The following HIPK3 variants were observed in gnomAD, a reference collection of about 807,000 sequenced individuals.
The protein encoded by HIPK3 is homeodomain interacting protein kinase 3.
HIPK3 carries 47 observed loss-of-function variants against 124.2 expected under a neutral mutation model. That is an observed-to-expected ratio of 0.38 (90% CI 0.30 to 0.48). The LOEUF (loss-of-function observed/expected upper bound fraction) is 0.48, where lower values mean the gene tolerates loss of function less well. Ranked by LOEUF, HIPK3 falls within the 20% of genes least tolerant of loss-of-function variation. The probability of loss-of-function intolerance (pLI) is 0.98; values close to 1 mark genes in which losing one functional copy is unlikely to be tolerated. For missense variants in HIPK3, 1,286 were observed against 1,454.3 expected, an observed-to-expected ratio of 0.88 and a Z score of 1.88; for synonymous variants, 482 against 515.2, an observed-to-expected ratio of 0.94 and a Z score of 0.87.
At chr11:33,329,500 T>TTC (rs1852909562) in intron 3 of HIPK3, among the ~76,000 whole-genome samples, 1 of 152,230 alleles carries the variant, frequency 6.6e-6, no homozygotes, top group Admixed American at 6.5e-5. Context: ...TAGGGCTATT[T>TTC]TCTCTATCAA....
chr11:33,338,911 A>G, intron 5 of HIPK3, 68 bp downstream of exon 5: 2 of 1,058,034 alleles, frequency 1.9e-6, no homozygotes, highest in Non-Finnish European at 2.9e-6. Context: ...CAAGGGGCCC[A>G]AAACATGTTA....
At chr11:33,302,288 A>G (rs1017758555) in intron 2 of HIPK3, among the ~76,000 whole-genome samples, 1 of 150,646 alleles carries the variant, frequency 6.6e-6, no homozygotes, top group African/African-American at 2.4e-5. Context: ...CTACATTTTA[A>G]TGAATCCTTA....
chr11:33,295,702 C>T (rs1463492485), intron 2 of HIPK3, among the ~76,000 whole-genome samples: 1 of 152,168 alleles, frequency 6.6e-6, no homozygotes, highest in Non-Finnish European at 1.5e-5. Flanking sequence ...GATGTTTTCT[C>T]ACGATTAGAT....
At chr11:33,279,779 CA>C (rs1447786470) in intron 1 of HIPK3, among the ~76,000 whole-genome samples, 6 of 152,168 alleles carry the variant, frequency 3.9e-5, no homozygotes, top group African/African-American at 7.2e-5. Flanking sequence ...AGTTCAAGAT[CA>C]AGGTGCCAGC....
At chr11:33,319,485 A>G (rs543570792) in intron 2 of HIPK3, among the ~76,000 whole-genome samples, 5 of 148,978 alleles carry the variant, frequency 3.4e-5, no homozygotes, top group Non-Finnish European at 7.5e-5. Context: ...AAAAAGAGCG[A>G]AACTCCATCT....
chr11:33,339,359 G>A lies in HIPK3; in HGVS notation c.1438G>A (p.Val480Met). Residue 480 changes from valine (V) to methionine (M), a missense_variant, in exon 6 of 17, where the codon GTG becomes ATG. Coordinates refer to ENST00000303296, the MANE Select transcript of HIPK3 (RefSeq NM_005734.5). ...ATTTTGATTTTCTTAGGTGAACACA[G>A]TGATGGATTTGGAAGGAAGTGATCT... ...SLDDVAHVNTVMDLEGSDLLA... is the reference protein window; with the variant it reads ...SLDDVAHVNTMMDLEGSDLLA... 6.2e-7 allele frequency: 1 copy of A among 1,612,374 alleles called. No homozygotes were observed. The highest frequency in any genetic ancestry group is 8.5e-7 in the Non-Finnish European group (1 of 1,178,782).
chr11:33,313,752 A>T (rs1384133348), intron 2 of HIPK3, among the ~76,000 whole-genome samples: 1 of 152,232 alleles, frequency 6.6e-6, no homozygotes, highest in Non-Finnish European at 1.5e-5. Flanking sequence ...AGATTACGTG[A>T]GATCACCTGA....
chr11:33,342,704 C>T (rs1295707300), intron 8 of HIPK3, among the ~76,000 whole-genome samples: 2 of 152,050 alleles, frequency 1.3e-5, no homozygotes, highest in South Asian at 2.1e-4. Context: ...TACAGGCATG[C>T]GCCACCACGC....
chr11:33,273,133 A>G (rs1019149422), intron 1 of HIPK3, among the ~76,000 whole-genome samples: 26 of 151,970 alleles, frequency 1.7e-4, no homozygotes, highest in African/African-American at 5.1e-4. Context: ...TCCTGAAGCC[A>G]TTGTAAAGGG....
intron 14 of HIPK3, 52 bp downstream of exon 14, chr11:33,349,339 C>G: frequency 7.0e-7 from 1 of 1,428,212 alleles, no homozygotes; most frequent in Non-Finnish European, 9.6e-7. Flanking sequence ...TACTAAAAAG[C>G]CTACGATTTC....
At chr11:33,292,225 A>T (rs1053984915) in intron 2 of HIPK3, among the ~76,000 whole-genome samples, 2 of 152,222 alleles carry the variant, frequency 1.3e-5, no homozygotes, top group African/African-American at 2.4e-5. Context: ...ACTGGGACTT[A>T]TGTAAGTCAG....
chr11:33,348,411 C>T, intron 12 of HIPK3, 111 bp from the exon 13 acceptor site: 2 of 1,047,728 alleles, frequency 1.9e-6, no homozygotes, highest in South Asian at 3.4e-5. Flanking sequence ...GTGTTATATT[C>T]ATGAACTCGA....
intron 2 of HIPK3, among the ~76,000 whole-genome samples, chr11:33,315,349 C>T (rs1456026859): frequency 1.3e-5 from 2 of 152,182 alleles, no homozygotes; most frequent in African/African-American, 4.8e-5. Flanking sequence ...GCCTCAGCCT[C>T]CCAAGTAGCT....
intron 8 of HIPK3, among the ~76,000 whole-genome samples, chr11:33,345,021 A>T (rs557922810): frequency 1.4e-3 from 210 of 152,306 alleles, no homozygotes; most frequent in Admixed American, 2.5e-3. Flanking sequence ...TTTGTATTTT[A>T]AAATAAACTT....
At chr11:33,272,149 G>C (rs1290076812) in intron 1 of HIPK3, among the ~76,000 whole-genome samples, 1 of 152,176 alleles carries the variant, frequency 6.6e-6, no homozygotes, top group Non-Finnish European at 1.5e-5. Context: ...TGTAATCCCA[G>C]CACTTTGGGA....
chr11:33,295,332 G>T (rs1450451980), intron 2 of HIPK3, among the ~76,000 whole-genome samples: 1 of 147,498 alleles, frequency 6.8e-6, no homozygotes, highest in East Asian at 2.0e-4. Context: ...AGGACTTCGG[G>T]ACTGTTCGGC....
chr11:33,258,807 A>G (rs1344939773), intron 1 of HIPK3: 3 of 849,094 alleles, frequency 3.5e-6, no homozygotes, highest in Non-Finnish European at 2.8e-6. Flanking sequence ...TAACACGTTC[A>G]GGCCTTGAAC....
chr11:33,336,927 T>C, intron 3 of HIPK3, 148 bp from the exon 4 acceptor site: 2 of 429,740 alleles, frequency 4.7e-6, no homozygotes, highest in Non-Finnish European at 4.1e-6. Flanking sequence ...TATAATTTTT[T>C]CCATATATGT....
intron 2 of HIPK3, among the ~76,000 whole-genome samples, chr11:33,288,728 G>A (rs553758728): frequency 6.6e-6 from 1 of 152,318 alleles, no homozygotes; most frequent in African/African-American, 2.4e-5. Context: ...TCATTCTGGA[G>A]TGTAAAATGG....
Sources: gnomAD v4.1 joint callset for allele counts (sites outside exome capture counted in the v4.1 genomes callset) on GRCh38, gnomAD v4.1.1 for gene constraint, MANE v1.5 for transcripts, NCBI Gene and HGNC (gene_info 2026-07-23, HGNC 2026-07-21) for gene names.